Variants in FHIT observed in about 807,000 individuals in gnomAD.
FHIT encodes bis(5'-adenosyl)-triphosphatase.
A neutral mutation model predicts 17.9 loss-of-function variants in FHIT; 19 were observed. The observed-to-expected ratio is 1.06, with a 90% CI of 0.74 to 1.56. FHIT has a LOEUF of 1.56. Among genes scored for constraint, FHIT ranks in the 40% most tolerant of loss-of-function variants. The pLI, the probability that FHIT is intolerant of heterozygous loss-of-function variation, is 0.00. For missense variants in FHIT, 248 were observed against 189.2 expected (o/e 1.31, Z -1.82); for synonymous variants, 81 against 69.7 (o/e 1.16, Z -0.81).
chr3:60,987,324 G>A (rs1384061621), intron 3 of FHIT, among the ~76,000 whole-genome samples: 7 of 152,198 alleles, frequency 4.6e-5, no homozygotes, highest in Non-Finnish European at 4.4e-5. Flanking sequence ...CAAGCTGGAA[G>A]GTTGTGGGTT....
At chr3:60,993,716 A>T (rs78216141) in intron 3 of FHIT, among the ~76,000 whole-genome samples, 1 of 152,148 alleles carries the variant, frequency 6.6e-6, no homozygotes, top group Non-Finnish European at 1.5e-5. Flanking sequence ...CTGCATCCAT[A>T]AAAAAAAGGA....
chr3:60,650,211 G>A (rs2039959247), intron 4 of FHIT, among the ~76,000 whole-genome samples: 1 of 152,184 alleles, frequency 6.6e-6, no homozygotes, highest in Admixed American at 6.5e-5. Context: ...TCTGCTTAAA[G>A]CACAGAATTG....
intron 5 of FHIT, among the ~76,000 whole-genome samples, chr3:60,408,528 T>C (rs957632500): frequency 1.3e-5 from 2 of 151,282 alleles, no homozygotes; most frequent in African/African-American, 4.9e-5. Context: ...TGATAGAGGA[T>C]GAGGAAAAAG....
chr3:60,251,089 G>T lies in FHIT; in HGVS notation c.104-236937C>A, dbSNP rs190540233. ...TATGCTTCCCCCATACAGATTTTAT[G>T]AAGACATACCTTTTGAGCTTTATGC... On this transcript the variant is annotated intron_variant, in intron 5 of 9. Transcript: ENST00000492590. Among the ~76,000 whole-genome samples, 24 of 152,300 alleles carry T rather than the reference G, an allele frequency of 1.6e-4. No homozygotes were observed. In the South Asian group the frequency reaches 4.8e-3, roughly 30 times the overall value.
At chr3:61,094,966 G>A (rs1259560836) in intron 2 of FHIT, among the ~76,000 whole-genome samples, 1 of 152,086 alleles carries the variant, frequency 6.6e-6, no homozygotes, top group African/African-American at 2.4e-5. Context: ...GTTGACCATG[G>A]TTAACTGAAA....
At chr3:60,344,040 G>A (rs1035656593) in intron 5 of FHIT, among the ~76,000 whole-genome samples, 1 of 152,170 alleles carries the variant, frequency 6.6e-6, no homozygotes, top group Non-Finnish European at 1.5e-5. Context: ...GAAGCTGGCC[G>A]ACCTCAGTGG....
rs12054388 is a variant in FHIT at position 60,797,235 on chromosome 3, T to C, written c.-18+24684A>G. Reference sequence around the variant, plus strand: ...AAATGATGTAATTGCCCTAGGAAAATGTTTCTACACCTCTCTTGCCCACTT... The same window carrying C: ...AAATGATGTAATTGCCCTAGGAAAACGTTTCTACACCTCTCTTGCCCACTT... On this transcript the variant is annotated intron_variant, in intron 4 of 9. Coordinates refer to ENST00000492590, the MANE Select transcript of FHIT (RefSeq NM_002012.4). Among the ~76,000 whole-genome samples the C allele has an allele frequency of 1.6e-3, 242 of 152,150 alleles. 1 individual carries two copies. The East Asian group carries it at 0.035, about 22-fold the overall frequency.
intron 3 of FHIT, among the ~76,000 whole-genome samples, chr3:60,881,516 G>A (rs554492502): frequency 6.6e-6 from 1 of 152,070 alleles, no homozygotes; most frequent in Non-Finnish European, 1.5e-5. Context: ...CATCCTCAAG[G>A]ACAGATCACA....
intron 1 of FHIT, among the ~76,000 whole-genome samples, chr3:61,228,083 C>A (rs2040013486): frequency 2.0e-5 from 3 of 152,040 alleles, no homozygotes; most frequent in Admixed American, 2.0e-4. Flanking sequence ...AATTAACATT[C>A]TACTGGGTGA....
At chr3:61,039,413 A>G (rs2033399512) in intron 3 of FHIT, among the ~76,000 whole-genome samples, 1 of 152,160 alleles carries the variant, frequency 6.6e-6, no homozygotes, top group African/African-American at 2.4e-5. Flanking sequence ...TTCTGATTGT[A>G]TTTTGCTCCC....
At chr3:60,305,932 G>GCATCA (rs1391386444) in intron 5 of FHIT, among the ~76,000 whole-genome samples, 13 of 152,116 alleles carry the variant, frequency 8.5e-5, no homozygotes, top group Admixed American at 7.9e-4. Flanking sequence ...TAATGAGACT[G>GCATCA]CATCACTTAC....
intron 5 of FHIT, among the ~76,000 whole-genome samples, chr3:60,196,314 G>A (rs1279067793): frequency 6.6e-6 from 1 of 151,938 alleles, no homozygotes; most frequent in East Asian, 1.9e-4. Flanking sequence ...TCACCTCATG[G>A]TGCCTTCCCA....
At chr3:60,645,939 T>C (rs2682935) in intron 4 of FHIT, among the ~76,000 whole-genome samples, 1 of 152,210 alleles carries the variant, frequency 6.6e-6, no homozygotes, top group Non-Finnish European at 1.5e-5. Context: ...AAATAAAACC[T>C]ACTTGAAATA....
intron 5 of FHIT, among the ~76,000 whole-genome samples, chr3:60,342,127 TC>T (rs1406468478): frequency 3.3e-5 from 5 of 152,164 alleles, no homozygotes; most frequent in African/African-American, 1.2e-4. Flanking sequence ...GAGGTGAACT[TC>T]CCCTGGCTTC....
At chr3:60,489,062 AGCAGT>A (rs1308850540) in intron 5 of FHIT, among the ~76,000 whole-genome samples, 1 of 152,192 alleles carries the variant, frequency 6.6e-6, no homozygotes, top group Non-Finnish European at 1.5e-5. Flanking sequence ...AGAGACCATG[AGCAGT>A]GCTAAAAAGT....
chr3:59,883,802 T>A (rs1703507015), intron 8 of FHIT, among the ~76,000 whole-genome samples: 1 of 152,148 alleles, frequency 6.6e-6, no homozygotes, highest in Non-Finnish European at 1.5e-5. Flanking sequence ...TATCTAGATT[T>A]AAGAAAGTGA....
intron 3 of FHIT, among the ~76,000 whole-genome samples, chr3:60,838,678 T>C (rs1702616586): frequency 6.6e-6 from 1 of 151,972 alleles, no homozygotes. Context: ...TCAAAAATAA[T>C]ACATGTAGGA....
At position 60,731,994 on chromosome 3, in the gene FHIT, C is replaced by A. The variant is rs1035980433; in HGVS notation, c.-18+89925G>T. The A allele has an allele frequency of 8.6e-6, 3 of 349,224 alleles. No homozygotes were observed. In the South Asian group the frequency reaches 1.1e-4, roughly 12 times the overall value. 21.6% of individuals were successfully genotyped at this position (349,224 alleles called of 1,614,324 possible). On this transcript the variant is annotated intron_variant, in intron 4 of 9. Coordinates refer to ENST00000492590, the MANE Select transcript of FHIT (RefSeq NM_002012.4). ...TAATCATAAACTTAACTCTGCAATCCAGCTAGGGAACAAGGAAAACATGGA... is the reference window on the plus strand; with the variant it reads ...TAATCATAAACTTAACTCTGCAATCAAGCTAGGGAACAAGGAAAACATGGA...
chr3:60,074,676 A>G (rs1045093434), intron 5 of FHIT, among the ~76,000 whole-genome samples: 1 of 152,066 alleles, frequency 6.6e-6, no homozygotes, highest in African/African-American at 2.4e-5. Context: ...AAAAAAAACA[A>G]CATGCACTTT....
Sources: allele counts gnomAD v4.1 joint callset (sites outside exome capture counted in the v4.1 genomes callset), GRCh38; gene constraint gnomAD v4.1.1; transcripts MANE v1.5; gene names NCBI Gene and HGNC (gene_info 2026-07-23, HGNC 2026-07-21).